Variants in FSTL4 observed in about 807,000 individuals in gnomAD.
The protein encoded by FSTL4 is follistatin like 4, also known as follistatin-related protein 4.
A neutral mutation model predicts 78.2 loss-of-function variants in FSTL4; 28 were observed. The observed-to-expected ratio is 0.36, with a 90% confidence interval of 0.27 to 0.49. The LOEUF (loss-of-function observed/expected upper bound fraction) is 0.49. Ranked by LOEUF, FSTL4 falls within the 20% of genes least tolerant of loss-of-function variation. The probability of loss-of-function intolerance (pLI) is 0.98; values close to 1 mark genes in which losing one functional copy is unlikely to be tolerated. For missense variants in FSTL4, 922 were observed against 1,084.9 expected, an observed-to-expected ratio of 0.85 and a Z score of 2.11; for synonymous variants, 422 against 440.5, an observed-to-expected ratio of 0.96 and a Z score of 0.53.
intron 3 of FSTL4, among the ~76,000 whole-genome samples, chr5:133,554,966 C>T (rs1210263225): frequency 6.6e-6 from 1 of 152,176 alleles, no homozygotes; most frequent in Non-Finnish European, 1.5e-5. Context: ...TCAGAAAATG[C>T]TGCAGAATCA....
At chr5:133,711,746 A>G in the FSTL4 span, among the ~76,000 whole-genome samples, 7 of 152,186 alleles carry the variant, frequency 4.6e-5, no homozygotes, top group Admixed American at 4.6e-4. Flanking sequence ...TGCCCCCTCC[A>G]AAATACTTTC....
At chr5:133,675,873 G>C in the FSTL4 span, among the ~76,000 whole-genome samples, 1 of 152,174 alleles carries the variant, frequency 6.6e-6, no homozygotes, top group South Asian at 2.1e-4. Flanking sequence ...CCTGAGGCTA[G>C]CCAGGGGAAG....
intron 7 of FSTL4, among the ~76,000 whole-genome samples, chr5:133,239,825 T>C (rs990502947): frequency 6.6e-6 from 1 of 152,230 alleles, no homozygotes; most frequent in Non-Finnish European, 1.5e-5. Context: ...AGAACTTTTG[T>C]GTCTAGCTCA....
intron 4 of FSTL4, among the ~76,000 whole-genome samples, chr5:133,352,393 C>CAT (rs1312217469): frequency 4.0e-5 from 6 of 148,544 alleles, no homozygotes; most frequent in South Asian, 2.1e-4. Flanking sequence ...TATACACACA[C>CAT]ATATATATAC....
At chr5:133,522,183 C>T (rs1286992422) in intron 3 of FSTL4, among the ~76,000 whole-genome samples, 2 of 151,944 alleles carry the variant, frequency 1.3e-5, no homozygotes, top group African/African-American at 4.8e-5. Context: ...AAATAGCTGT[C>T]AAGACAGGAC....
chr5:133,610,124 C>T (rs1482272788), intron 1 of FSTL4, among the ~76,000 whole-genome samples: 4 of 152,158 alleles, frequency 2.6e-5, no homozygotes, highest in Non-Finnish European at 4.4e-5. Flanking sequence ...AAAAGTCCTA[C>T]GGCCCTTAGT....
intron 3 of FSTL4, among the ~76,000 whole-genome samples, chr5:133,558,747 A>C (rs1449427691): frequency 1.3e-5 from 2 of 152,150 alleles, no homozygotes; most frequent in Non-Finnish European, 2.9e-5. Flanking sequence ...GTGCGTTAGA[A>C]TGCACAGGAT....
chr5:133,290,942 G>A (rs1369456568), intron 6 of FSTL4, among the ~76,000 whole-genome samples: 1 of 152,212 alleles, frequency 6.6e-6, no homozygotes, highest in Non-Finnish European at 1.5e-5. Context: ...CAGTGAGTCC[G>A]CAGTGCTGGG....
intron 8 of FSTL4, among the ~76,000 whole-genome samples, chr5:133,226,815 G>T (rs13178563): frequency 5.9e-5 from 9 of 152,166 alleles, no homozygotes; most frequent in African/African-American, 1.4e-4. Context: ...GAATAGAGAA[G>T]ATTTTTCTTG....
At chr5:133,535,666 G>A (rs551255407) in intron 3 of FSTL4, among the ~76,000 whole-genome samples, 1 of 152,318 alleles carries the variant, frequency 6.6e-6, no homozygotes, top group East Asian at 1.9e-4. Flanking sequence ...ATTTCTGTGT[G>A]TGTGTCTTTA....
chr5:133,506,885 T>C (rs778107441), intron 3 of FSTL4, among the ~76,000 whole-genome samples: 8 of 152,196 alleles, frequency 5.3e-5, no homozygotes, highest in Non-Finnish European at 1.2e-4. Context: ...TTCTGAAAGA[T>C]TCACCTGAAA....
the FSTL4 span, among the ~76,000 whole-genome samples, chr5:133,824,632 G>A: frequency 6.6e-6 from 1 of 152,166 alleles, no homozygotes. Context: ...AAGACTCGGG[G>A]CGAAGAAGGC....
chr5:133,394,583 C>G (rs1422410561), intron 4 of FSTL4, among the ~76,000 whole-genome samples: 1 of 152,262 alleles, frequency 6.6e-6, no homozygotes, highest in Non-Finnish European at 1.5e-5. Context: ...CCTCAGCTGC[C>G]TCCCCGCAGG....
intron 2 of FSTL4, among the ~76,000 whole-genome samples, chr5:133,577,375 C>T (rs940750114): frequency 1.3e-5 from 2 of 152,284 alleles, no homozygotes; most frequent in South Asian, 4.1e-4. Context: ...TCCCCTCCTG[C>T]ACCACAGAGA....
rs182041193 is a variant in FSTL4 at position 133,604,625 on chromosome 5, C to T, written c.-10-632G>A. Among the ~76,000 whole-genome samples the T allele has an allele frequency of 4.6e-5, 7 of 152,232 alleles. No individual in the cohort carries two copies. In the East Asian group the frequency reaches 1.4e-3, roughly 29 times the overall value. ...TCAGGAGGCTGGGGCAGGAGAATCGCTTGAACTCGGGAGGCGGAGGTTGCA... is the reference window on the plus strand; with the variant it reads ...TCAGGAGGCTGGGGCAGGAGAATCGTTTGAACTCGGGAGGCGGAGGTTGCA... On this transcript the variant is annotated intron_variant, in intron 1 of 15. Coordinates refer to ENST00000265342, the MANE Select transcript of FSTL4 (RefSeq NM_015082.2).
intron 4 of FSTL4, among the ~76,000 whole-genome samples, chr5:133,391,856 TA>T (rs1188305628): frequency 1.3e-5 from 2 of 152,242 alleles, no homozygotes; most frequent in African/African-American, 4.8e-5. Context: ...CTCCTGGCTT[TA>T]TTCTGCTCCA....
intron 4 of FSTL4, among the ~76,000 whole-genome samples, chr5:133,375,276 A>T (rs1370519057): frequency 7.1e-6 from 1 of 141,750 alleles, no homozygotes; most frequent in Non-Finnish European, 1.5e-5. Flanking sequence ...AACCCAAAAC[A>T]TAGGGTGTGC....
intron 6 of FSTL4, among the ~76,000 whole-genome samples, chr5:133,274,483 G>A (rs1752835497): frequency 8.8e-6 from 1 of 113,672 alleles, no homozygotes; most frequent in Non-Finnish European, 1.7e-5. Context: ...TTCATAACCT[G>A]TTAACTTACT....
At chr5:133,648,799 C>T in the FSTL4 span, among the ~76,000 whole-genome samples, 1 of 152,150 alleles carries the variant, frequency 6.6e-6, no homozygotes, top group African/African-American at 2.4e-5. Context: ...ACATGCATAA[C>T]CTCTCCTACA....
Sources: allele counts gnomAD v4.1 joint callset (sites outside exome capture counted in the v4.1 genomes callset), GRCh38; gene constraint gnomAD v4.1.1; transcripts MANE v1.5; gene names NCBI Gene and HGNC (gene_info 2026-07-23, HGNC 2026-07-21).